The following NLRP12 variants were observed in gnomAD, a reference collection of about 807,000 sequenced individuals.
The protein encoded by NLRP12 is NACHT, LRR and PYD domains-containing protein 12.
NLRP12 carries 108 observed loss-of-function variants against 91.2 expected under a neutral mutation model. That is an observed-to-expected ratio of 1.18 (90% CI 1.01 to 1.39). The LOEUF is 1.39. Among genes scored for constraint, NLRP12 ranks in the 40% most tolerant of loss-of-function variants. The pLI is 0.00. For missense variants in NLRP12, 1,530 were observed against 1,352.7 expected (o/e 1.13, Z -2.06); for synonymous variants, 613 against 566.7 (o/e 1.08, Z -1.16).
Position 53,810,660 on chromosome 19 carries a change from G to T in NLRP12, c.999C>A (p.Leu333=), listed in dbSNP as rs943319303. 4.3e-6 allele frequency: 7 copies of T among 1,613,902 alleles called. No homozygotes were observed. Among genetic ancestry groups the T allele is most frequent in the Non-Finnish European group, 5.1e-6 (6 of 1,179,932 alleles). Residue 333 remains leucine (L), a synonymous_variant, in exon 3 of 10, where the codon CTC becomes CTA. Coordinates refer to ENST00000324134, the MANE Select transcript of NLRP12 (RefSeq NM_144687.4). The part of the protein sequence containing the change: ...LLNSLIRKKL[L]PELSLLITTR... ...TGGTGATGAGCAAAGATAGCTCAGG[G>T]AGCAGCTTCTTCCGAATTAAGCTGT... is the stretch of plus-strand genomic sequence containing the variant.
rs148009120 is a variant in NLRP12, at chr19:53,803,866, G to A, written c.2585+86C>T. 104 of 1,371,176 alleles carry A rather than the reference G, an allele frequency of 7.6e-5. No homozygotes were observed. The East Asian group carries it at 1.5e-3, about 20-fold the overall frequency. 84.9% of individuals were successfully genotyped at this position (1,371,176 alleles called of 1,614,324 possible). On this transcript the variant is annotated intron_variant, in intron 6 of 9. Coordinates refer to ENST00000324134, the MANE Select transcript of NLRP12 (RefSeq NM_144687.4). Reference sequence around the variant, plus strand: ...CGGGATTACAGGCGTGAGCCACTGCGCCCGACCTGTGGATGCATTTTTATA... The same window carrying A: ...CGGGATTACAGGCGTGAGCCACTGCACCCGACCTGTGGATGCATTTTTATA...
chr19:53,819,005 T>A (rs2092205793), intron 1 of NLRP12, among the ~76,000 whole-genome samples: 2 of 152,096 alleles, frequency 1.3e-5, no homozygotes. Context: ...GACATCTGTC[T>A]CCTTGGGAAC....
At chr19:53,796,321 G>A (rs1016942747) in intron 8 of NLRP12, among the ~76,000 whole-genome samples, 1 of 151,354 alleles carries the variant, frequency 6.6e-6, no homozygotes, top group Non-Finnish European at 1.5e-5. Flanking sequence ...GCATGATCTC[G>A]GCTCACTGCA....
Position 53,824,017 on chromosome 19 carries a change from G to T in NLRP12, c.158C>A (p.Pro53His). Residue 53 changes from proline to histidine, a missense_variant, in exon 1 of 10, where the codon CCC becomes CAC. By Grantham distance (77) the Pro-to-His change is moderately conservative. Coordinates refer to ENST00000324134, the MANE Select transcript of NLRP12 (RefSeq NM_144687.4). ...IPWGSMEKAG[P>H]LEMAQLLITH... ...GATGAGCAGCTGGGCCATTTCCAGG[G>T]GACCGGCCTTCTCCATGCTTCCCCA... The T allele has an allele frequency of 6.2e-7, 1 of 1,614,164 alleles. No homozygotes were observed. The highest frequency in any genetic ancestry group is 1.1e-5 in the South Asian group (1 of 91,080).
intron 1 of NLRP12, among the ~76,000 whole-genome samples, chr19:53,815,223 GTC>G (rs1426117677): frequency 3.2e-4 from 30 of 94,846 alleles, no homozygotes; most frequent in Admixed American, 1.1e-3. Flanking sequence ...CATCCAATCA[GTC>G]TTTTTTTTTT....
chr19:53,800,832 C>T (rs2091856610), intron 7 of NLRP12, among the ~76,000 whole-genome samples: 1 of 152,086 alleles, frequency 6.6e-6, no homozygotes, highest in Non-Finnish European at 1.5e-5. Flanking sequence ...GATCCTCCCA[C>T]CTCGGCCTCC....
At chr19:53,806,881 A>G (rs1279240570) in intron 4 of NLRP12, among the ~76,000 whole-genome samples, 1 of 144,524 alleles carries the variant, frequency 6.9e-6, no homozygotes, top group African/African-American at 2.5e-5. Flanking sequence ...AAAAAAAAGT[A>G]AAAAAAAGAA....
At chr19:53,819,882 AAAGGGAAAAG>A (rs145219888) in intron 1 of NLRP12, among the ~76,000 whole-genome samples, 2,000 of 151,054 alleles carry the variant, frequency 0.013, 41 homozygotes, top group African/African-American at 0.045. Flanking sequence ...GGAGGGAAGG[AAAGGGAAAAG>A]AAGGGAAAAG....
chr19:53,820,568 G>T (rs1047896304), intron 1 of NLRP12, among the ~76,000 whole-genome samples: 2 of 151,980 alleles, frequency 1.3e-5, no homozygotes, highest in Non-Finnish European at 2.9e-5. Context: ...CTCAAATGGG[G>T]CTCTGTGGTG....
intron 1 of NLRP12, among the ~76,000 whole-genome samples, chr19:53,815,248 A>C (rs1336226374): frequency 2.6e-5 from 1 of 38,528 alleles, no homozygotes; most frequent in African/African-American, 1.7e-4. Flanking sequence ...TTTTTTTTTG[A>C]GACGGAGTCT....
At chr19:53,800,303 C>CA (rs1054312255) in intron 7 of NLRP12, among the ~76,000 whole-genome samples, 64 of 150,226 alleles carry the variant, frequency 4.3e-4, no homozygotes, top group Admixed American at 7.3e-4. Flanking sequence ...AGACTCGTCT[C>CA]AAAAAAAAAG....
In NLRP12 at chr19:53,794,146, C is replaced by A. The variant is rs1325757230; in HGVS notation, c.3099-10G>T. ...GTCCATCCCAAATAACCTGTGGACA[C>A]AAGAGTTGATATTATTCCAGTGTAC... On this transcript the variant is annotated splice_polypyrimidine_tract_variant and intron_variant, in intron 9 of 9. Coordinates refer to ENST00000324134, the MANE Select transcript of NLRP12 (RefSeq NM_144687.4). 2 of 1,586,962 alleles carry A rather than the reference C, an allele frequency of 1.3e-6. No individual in the cohort carries two copies. The highest frequency in any genetic ancestry group is 2.2e-5 in the East Asian group (1 of 44,764).
intron 7 of NLRP12, among the ~76,000 whole-genome samples, chr19:53,799,011 T>A (rs907876492): frequency 1.9e-4 from 8 of 42,748 alleles, no homozygotes; most frequent in Non-Finnish European, 2.9e-4. Context: ...TATCTACAAA[T>A]TTTTTTTTTT....
chr19:53,804,393 GTT>G lies in NLRP12; in HGVS notation c.2415-273_2415-272del, dbSNP rs923117109. Reference sequence around the variant, plus strand: ...TTTGTTTGTTTTTTGTTTTTTTTGGGTTTTTTTGTTTTTTTTTTTTTTTGAGG... The same window carrying G: ...TTTGTTTGTTTTTTGTTTTTTTTGGGTTTTTGTTTTTTTTTTTTTTTGAGG... On this transcript the variant is annotated intron_variant, in intron 5 of 9. Transcript: ENST00000324134. 6.1e-5 allele frequency among the ~76,000 whole-genome samples: 7 copies of G among 114,806 alleles called. No homozygotes were observed. In the South Asian group the frequency reaches 8.7e-4, roughly 14 times the overall value. The allele number at this position is 114,806 out of a possible 152,430, so 75.3% of individuals were successfully genotyped here.
chr19:53,795,591 G>T (rs1220452266), intron 9 of NLRP12, among the ~76,000 whole-genome samples: 1 of 150,654 alleles, frequency 6.6e-6, no homozygotes, highest in Non-Finnish European at 1.5e-5. Context: ...AGCCAGGATG[G>T]TCTCGATCTC....
rs770660560 is a variant in NLRP12 at position 53,807,547 on chromosome 19, T to C, written c.2191A>G (p.Lys731Glu). The change falls in exon 4 of 10, where the codon AAG (lysine) becomes GAG (glutamate). Residue 731 changes from lysine to glutamate, a missense_variant. Transcript: ENST00000324134. Reference protein sequence around the residue: ...YRNALGSRGVKLLCQGLRHPN... With the variant: ...YRNALGSRGVELLCQGLRHPN... ...TGTCTGAGTCCTTGACAGAGCAGCT[T>C]CACCCCCCGGCTGCCCAGGGCATTT... The C allele has an allele frequency of 6.8e-6, 11 of 1,614,006 alleles. No homozygotes were observed. The African/African-American group carries it at 1.3e-4, about 20-fold the overall frequency.
intron 1 of NLRP12, among the ~76,000 whole-genome samples, chr19:53,819,566 TATATGC>T (rs2092228726): frequency 1.1e-5 from 1 of 90,490 alleles, no homozygotes; most frequent in Non-Finnish European, 2.5e-5. Context: ...TATACGTATA[TATATGC>T]GTATATATGT....
At chr19:53,803,254 T>A (rs921620727) in intron 6 of NLRP12, among the ~76,000 whole-genome samples, 93 of 152,042 alleles carry the variant, frequency 6.1e-4, no homozygotes, top group African/African-American at 2.2e-3. Flanking sequence ...CAGTGTTGGC[T>A]CACCACAACC....
At chr19:53,813,581 C>T (rs754496651) in intron 2 of NLRP12, among the ~76,000 whole-genome samples, 3 of 152,078 alleles carry the variant, frequency 2.0e-5, no homozygotes, top group South Asian at 2.1e-4. Flanking sequence ...GGATTACAGG[C>T]GTGAGCCACC....
Sources: allele counts gnomAD v4.1 joint callset (sites outside exome capture counted in the v4.1 genomes callset), GRCh38; gene constraint gnomAD v4.1.1; transcripts MANE v1.5; gene names NCBI Gene and HGNC (gene_info 2026-07-23, HGNC 2026-07-21).